Variants in AK4 observed in about 807,000 individuals in gnomAD.
AK4 encodes adenylate kinase 4, mitochondrial.
AK4 carries 13 observed loss-of-function variants against 24.6 expected under a neutral mutation model. The ratio of observed to expected loss-of-function variants is 0.53; its 90% CI spans 0.34 to 0.84. The LOEUF (loss-of-function observed/expected upper bound fraction) is 0.84, where lower values mean the gene tolerates loss of function less well. Ranked by LOEUF, AK4 falls within the 40% of genes least tolerant of loss-of-function variation. AK4 has a pLI of 0.01. For missense variants in AK4, 192 were observed against 288.2 expected (o/e 0.67, Z 2.42); for synonymous variants, 88 against 107.0 (o/e 0.82, Z 1.10).
intron 3 of AK4, among the ~76,000 whole-genome samples, chr1:65,220,010 T>G (rs1022222235): frequency 6.6e-6 from 1 of 152,252 alleles, no homozygotes; most frequent in African/African-American, 2.4e-5. Context: ...TATCTACTTA[T>G]CAGACTTGGC....
chr1:65,158,737 C>A (rs1650057783), intron 1 of AK4, among the ~76,000 whole-genome samples: 1 of 152,110 alleles, frequency 6.6e-6, no homozygotes, highest in Admixed American at 6.6e-5. Context: ...GAACTCCTGA[C>A]CTCAGGTGAT....
intron 2 of AK4, among the ~76,000 whole-genome samples, chr1:65,196,248 C>T (rs1385769487): frequency 6.6e-6 from 1 of 152,068 alleles, no homozygotes; most frequent in Non-Finnish European, 1.5e-5. Flanking sequence ...TGACAGATGA[C>T]TCATCATCTT....
intron 1 of AK4, among the ~76,000 whole-genome samples, chr1:65,175,243 A>AT (rs987876168): frequency 2.0e-5 from 3 of 152,308 alleles, no homozygotes; most frequent in African/African-American, 7.2e-5. Flanking sequence ...TCCTGTCAGA[A>AT]GAGTGTCCGC....
chr1:65,159,660 G>A (rs542348863), intron 1 of AK4, among the ~76,000 whole-genome samples: 2 of 150,874 alleles, frequency 1.3e-5, no homozygotes, highest in African/African-American at 2.4e-5. Context: ...GCAACAGAGC[G>A]AAAACCTTCT....
chr1:65,152,386 T>TTA (rs1649826158), intron 1 of AK4, among the ~76,000 whole-genome samples: 1 of 23,026 alleles, frequency 4.3e-5, no homozygotes, highest in Non-Finnish European at 7.4e-5. Context: ...ATATATATAT[T>TTA]TTTTTTTTTT....
intron 1 of AK4, among the ~76,000 whole-genome samples, chr1:65,153,866 C>A (rs1023525151): frequency 7.9e-5 from 12 of 152,048 alleles, no homozygotes; most frequent in African/African-American, 2.9e-4. Context: ...TGGGAATTAG[C>A]ATAGCGTGTC....
At chr1:65,172,832 T>C (rs928165377) in intron 1 of AK4, among the ~76,000 whole-genome samples, 11 of 151,462 alleles carry the variant, frequency 7.3e-5, no homozygotes, top group African/African-American at 2.4e-4. Context: ...TTTCTACTTC[T>C]GGGCCATCTT....
At chr1:65,164,743 TTGA>T (rs1650276358) in intron 1 of AK4, among the ~76,000 whole-genome samples, 1 of 152,226 alleles carries the variant, frequency 6.6e-6, no homozygotes, top group African/African-American at 2.4e-5. Flanking sequence ...GTTTTTGATT[TTGA>T]TGAAGTCCAG....
chr1:65,152,515 G>A (rs930386270), intron 1 of AK4, among the ~76,000 whole-genome samples: 9 of 142,856 alleles, frequency 6.3e-5, no homozygotes, highest in Non-Finnish European at 1.2e-4. Context: ...CGATTCTTCT[G>A]CCTCAGCCTC....
intron 2 of AK4, 106 bp from the exon 3 acceptor site, chr1:65,218,648 T>C (rs1452633652): frequency 7.9e-6 from 9 of 1,136,598 alleles, no homozygotes; most frequent in African/African-American, 1.7e-5. Flanking sequence ...TAAAGCTCCT[T>C]TTAGAATGGT....
intron 1 of AK4, among the ~76,000 whole-genome samples, chr1:65,184,306 A>G (rs1025897178): frequency 1.3e-5 from 2 of 152,188 alleles, no homozygotes; most frequent in East Asian, 1.9e-4. Context: ...TAATTTTGTT[A>G]TATATAATGT....
intron 1 of AK4, among the ~76,000 whole-genome samples, chr1:65,183,525 G>A (rs565166666): frequency 2.6e-5 from 4 of 152,252 alleles, no homozygotes; most frequent in Non-Finnish European, 4.4e-5. Flanking sequence ...GATTACAGGC[G>A]TGAGCCACTG....
chr1:65,163,258 C>G (rs890261802), intron 1 of AK4, among the ~76,000 whole-genome samples: 1 of 152,210 alleles, frequency 6.6e-6, no homozygotes, highest in Non-Finnish European at 1.5e-5. Flanking sequence ...TCATCGTCAA[C>G]TTTTACCTTC....
intron 2 of AK4, among the ~76,000 whole-genome samples, chr1:65,199,738 G>A (rs1029050651): frequency 3.3e-5 from 5 of 152,062 alleles, no homozygotes; most frequent in South Asian, 2.1e-4. Context: ...CAGAATGCTC[G>A]GGACCAGAAG....
intron 1 of AK4, among the ~76,000 whole-genome samples, chr1:65,148,779 T>C (rs1205178455): frequency 6.8e-6 from 1 of 147,110 alleles, no homozygotes; most frequent in Non-Finnish European, 1.5e-5. Flanking sequence ...ACGGCTCCTC[T>C]CCACCGCTCC....
chr1:65,164,998 G>C (rs993831681), intron 1 of AK4, among the ~76,000 whole-genome samples: 1 of 152,176 alleles, frequency 6.6e-6, no homozygotes, highest in Non-Finnish European at 1.5e-5. Context: ...TTAAGCACTT[G>C]TAAAATCAGT....
rs1649630367 is a variant in AK4 at position 65,148,204 on chromosome 1, G to C, written c.-204G>C. ...GCGGGGAGGTGTAGCGTGGCGCTCA[G>C]TCCGCCTGCTACTCGGTCCCGGCGC... On this transcript the variant is annotated 5_prime_UTR_variant, in exon 1 of 5. Transcript: ENST00000327299. 5 of 1,148,162 alleles carry C rather than the reference G, an allele frequency of 4.4e-6. No individual in the cohort carries two copies. The Admixed American group carries it at 1.5e-4, about 35-fold the overall frequency. The allele number at this position is 1,148,162 out of a possible 1,614,324, so 71.1% of individuals were successfully genotyped here.
Position 65,224,732 on chromosome 1 carries a change from G to A in AK4, c.439-20G>A, listed in dbSNP as rs1160979612. On this transcript the variant is annotated intron_variant, in intron 3 of 4. Coordinates refer to ENST00000327299, the MANE Select transcript of AK4 (RefSeq NM_013410.4). Reference sequence around the variant, plus strand: ...GGCCCAACTGTTGTCTATATTAATTGGTTTATTTGGTATTTGTAGGGTATT... The same window carrying A: ...GGCCCAACTGTTGTCTATATTAATTAGTTTATTTGGTATTTGTAGGGTATT... The A allele has an allele frequency of 1.9e-6, 3 of 1,593,804 alleles. No individual in the cohort carries two copies. Among genetic ancestry groups the A allele is most frequent in the Non-Finnish European group, 1.7e-6 (2 of 1,163,834 alleles).
At chr1:65,182,393 C>G (rs894452373) in intron 1 of AK4, among the ~76,000 whole-genome samples, 1 of 152,110 alleles carries the variant, frequency 6.6e-6, no homozygotes, top group Non-Finnish European at 1.5e-5. Context: ...GAGTAGCTCT[C>G]TCATAGGTTA....
Sources: allele counts gnomAD v4.1 joint callset (sites outside exome capture counted in the v4.1 genomes callset), GRCh38; gene constraint gnomAD v4.1.1; transcripts MANE v1.5; gene names NCBI Gene and HGNC (gene_info 2026-07-23, HGNC 2026-07-21).